The following GAREM1 variants were observed in gnomAD, a reference collection of about 807,000 sequenced individuals.
GAREM1 encodes GRB2-associated and regulator of MAPK protein 1.
A neutral mutation model predicts 71.3 loss-of-function variants in GAREM1; 26 were observed. The ratio of observed to expected loss-of-function variants is 0.36; its 90% CI spans 0.27 to 0.51. The LOEUF is 0.51. GAREM1 is among the 20% of genes least tolerant of loss of function. The pLI is 0.95. For synonymous variants in GAREM1, 440 were observed against 433.2 expected (o/e 1.02, Z -0.20); for missense variants, 1,026 against 1,103.1 (o/e 0.93, Z 0.99).
At chr18:32,314,282 T>A (rs907213642) in intron 2 of GAREM1, among the ~76,000 whole-genome samples, 3 of 152,180 alleles carry the variant, frequency 2.0e-5, no homozygotes, top group Non-Finnish European at 2.9e-5. Context: ...ATGACACCCA[T>A]GTCTGCATAC....
In GAREM1 at chr18:32,268,736, T is replaced by C; in HGVS notation, c.1766A>G (p.Glu589Gly). Residue 589 changes from glutamate to glycine, a missense_variant, in exon 6 of 6, where the codon GAA becomes GGA. Glu to Gly is a moderately conservative substitution (Grantham distance 98). Coordinates refer to ENST00000269209, the MANE Select transcript of GAREM1 (RefSeq NM_001242409.2). ...TGGATAGCAGGAAACAGGAGTGCTT[T>C]CAGAAGGATTTGTGTCAGTTTTAGT... Reference protein sequence around the residue: ...SVTKTDTNPSESTPVSCYPCN... With the variant: ...SVTKTDTNPSGSTPVSCYPCN... 1 of 1,613,980 alleles carries C rather than the reference T, an allele frequency of 6.2e-7. No individual in the cohort carries two copies. The highest frequency in any genetic ancestry group is 8.5e-7 in the Non-Finnish European group (1 of 1,179,898).
chr18:32,305,062 C>T (rs1349209516), intron 3 of GAREM1, among the ~76,000 whole-genome samples: 1 of 151,504 alleles, frequency 6.6e-6, no homozygotes, highest in African/African-American at 2.4e-5. Flanking sequence ...AAAAAAAAAC[C>T]CCACAAATAT....
At chr18:32,276,298 C>T (rs1422665008) in intron 4 of GAREM1, among the ~76,000 whole-genome samples, 5 of 152,214 alleles carry the variant, frequency 3.3e-5, no homozygotes, top group Non-Finnish European at 5.9e-5. Context: ...CGACTTCCAC[C>T]ATCCCTGAAA....
chr18:32,403,436 C>T (rs1024230253), intron 1 of GAREM1, among the ~76,000 whole-genome samples: 1 of 152,156 alleles, frequency 6.6e-6, no homozygotes, highest in Non-Finnish European at 1.5e-5. Context: ...TCTGTTTACA[C>T]ATATGCTGTA....
intron 1 of GAREM1, among the ~76,000 whole-genome samples, chr18:32,440,928 A>G (rs8094914): frequency 0.23 from 35,464 of 152,192 alleles, 4,937 homozygotes; most frequent in East Asian, 0.39. Context: ...AAAAATCTGT[A>G]TCTACATAAG....
Position 32,391,016 on chromosome 18 carries a change from T to C in GAREM1, c.262+1879A>G, listed in dbSNP as rs529073127. 1.1e-4 allele frequency among the ~76,000 whole-genome samples: 17 copies of C among 152,272 alleles called. No individual in the cohort carries two copies. The Middle Eastern group carries it at 0.024, about 213-fold the overall frequency. ...CAAAGGCTTCAGGTGTTTTTTAGAA[T>C]TGGTATAACTTGTTAAGGACTGTAC... On this transcript the variant is annotated intron_variant, in intron 2 of 5. Transcript: ENST00000269209.
At chr18:32,398,149 G>T (rs989682624) in intron 1 of GAREM1, among the ~76,000 whole-genome samples, 1 of 152,064 alleles carries the variant, frequency 6.6e-6, no homozygotes, top group Non-Finnish European at 1.5e-5. Flanking sequence ...AGAATCTCTG[G>T]GACACATTTA....
At chr18:32,317,961 G>C (rs566044775) in intron 2 of GAREM1, among the ~76,000 whole-genome samples, 1 of 152,236 alleles carries the variant, frequency 6.6e-6, no homozygotes, top group East Asian at 1.9e-4. Context: ...CAGAGTCTTT[G>C]TGCCACCAAA....
At chr18:32,328,618 G>A (rs905970209) in intron 2 of GAREM1, among the ~76,000 whole-genome samples, 2 of 152,056 alleles carry the variant, frequency 1.3e-5, no homozygotes, top group Admixed American at 1.3e-4. Flanking sequence ...GAGAGGGTTA[G>A]GTAAATGCAA....
chr18:32,378,679 C>T (rs2048064806), intron 2 of GAREM1, among the ~76,000 whole-genome samples: 1 of 152,088 alleles, frequency 6.6e-6, no homozygotes, highest in Non-Finnish European at 1.5e-5. Flanking sequence ...CCTAATAATA[C>T]TGGCTGACAA....
At chr18:32,431,582 C>T (rs2048624955) in intron 1 of GAREM1, among the ~76,000 whole-genome samples, 2 of 152,106 alleles carry the variant, frequency 1.3e-5, no homozygotes, top group African/African-American at 2.4e-5. Context: ...GAGCCGAGAT[C>T]ACGCCACTGC....
intron 2 of GAREM1, among the ~76,000 whole-genome samples, chr18:32,353,981 T>C (rs1463891715): frequency 6.6e-6 from 1 of 152,196 alleles, no homozygotes; most frequent in Non-Finnish European, 1.5e-5. Flanking sequence ...AAATAAAAGA[T>C]GCCCTATTGG....
At chr18:32,405,348 A>G (rs553185352) in intron 1 of GAREM1, among the ~76,000 whole-genome samples, 21 of 148,186 alleles carry the variant, frequency 1.4e-4, no homozygotes, top group African/African-American at 5.1e-4. Flanking sequence ...ACAGGCGTGC[A>G]CCACCATGCT....
chr18:32,418,728 C>T (rs578025481), intron 1 of GAREM1, among the ~76,000 whole-genome samples: 2 of 152,104 alleles, frequency 1.3e-5, no homozygotes, highest in East Asian at 1.9e-4. Context: ...GGGAAAGAAA[C>T]GAGTAGGGTT....
At chr18:32,369,618 A>G (rs1279137141) in intron 2 of GAREM1, among the ~76,000 whole-genome samples, 1 of 152,220 alleles carries the variant, frequency 6.6e-6, no homozygotes, top group Non-Finnish European at 1.5e-5. Context: ...TAATAACAAT[A>G]CTTTTGTTGA....
At chr18:32,372,480 TTTAAACACAATC>T (rs2047991592) in intron 2 of GAREM1, among the ~76,000 whole-genome samples, 1 of 152,090 alleles carries the variant, frequency 6.6e-6, no homozygotes, top group African/African-American at 2.4e-5. Context: ...TTTCCAGGGG[TTTAAACACAATC>T]TTATGAGTAG....
At chr18:32,389,814 C>T (rs2048178925) in intron 2 of GAREM1, among the ~76,000 whole-genome samples, 1 of 152,072 alleles carries the variant, frequency 6.6e-6, no homozygotes, top group Non-Finnish European at 1.5e-5. Flanking sequence ...AAAATATATA[C>T]ACTATAACCT....
chr18:32,335,784 G>T (rs1481832367), intron 2 of GAREM1, among the ~76,000 whole-genome samples: 1 of 152,192 alleles, frequency 6.6e-6, no homozygotes, highest in Non-Finnish European at 1.5e-5. Flanking sequence ...ACCTTCTTTA[G>T]ATGCATGATT....
intron 2 of GAREM1, among the ~76,000 whole-genome samples, chr18:32,332,466 C>T (rs1409141970): frequency 6.6e-5 from 10 of 152,054 alleles, no homozygotes; most frequent in Admixed American, 2.6e-4. Context: ...TTAAGTGCTA[C>T]GGAAGGGTGG....
Sources: gnomAD v4.1 joint callset for allele counts (sites outside exome capture counted in the v4.1 genomes callset) on GRCh38, gnomAD v4.1.1 for gene constraint, MANE v1.5 for transcripts, NCBI Gene and HGNC (gene_info 2026-07-23, HGNC 2026-07-21) for gene names.